CYFIP1: variants seen among roughly 807,000 people sequenced by gnomAD.
CYFIP1 encodes cytoplasmic FMR1-interacting protein 1.
A neutral mutation model predicts 163.5 loss-of-function variants in CYFIP1; 58 were observed. The observed-to-expected ratio is 0.35, with a 90% CI of 0.29 to 0.44. The LOEUF is 0.44. Among genes scored for constraint, CYFIP1 ranks in the 20% least tolerant of loss-of-function variants. The pLI, the probability that CYFIP1 is intolerant of heterozygous loss-of-function variation, is 1.00. For missense variants in CYFIP1, 1,338 were observed against 1,653.8 expected (o/e 0.81, Z 3.31); for synonymous variants, 663 against 660.7 (o/e 1.00, Z -0.05).
At position 22,870,024 on chromosome 15, in the gene CYFIP1, G is replaced by T. The variant is rs1403437789; in HGVS notation, c.*4C>A. On this transcript the variant is annotated 3_prime_UTR_variant, in exon 31 of 31. Transcript: ENST00000617928. ...TGTTGAGTTACGGAGTGCAGCGCGT[G>T]CCCTCAGCTGCTGGCGAGGGACTGG... The T allele has an allele frequency of 2.5e-6, 4 of 1,596,636 alleles. No individual in the cohort carries two copies. The Admixed American group carries it at 5.5e-5, about 22-fold the overall frequency.
intron 12 of CYFIP1, 140 bp from the exon 13 acceptor site, chr15:22,926,247 C>T: frequency 8.1e-7 from 1 of 1,233,890 alleles, no homozygotes; most frequent in Non-Finnish European, 1.1e-6. Context: ...TGAGGGCGCA[C>T]ACACCGTCCA....
chr15:22,951,581 T>C, intron 1 of CYFIP1: 1 of 1,281,010 alleles, frequency 7.8e-7, no homozygotes, highest in Non-Finnish European at 1.0e-6. Context: ...TTCTGCGGCC[T>C]GAACCCAGAT....
rs1566925088 is a variant in CYFIP1 at position 22,883,020 on chromosome 15, C to T, written c.2677-9G>A. On this transcript the variant is annotated splice_polypyrimidine_tract_variant and intron_variant, in intron 23 of 30. Transcript: ENST00000617928. ...TAGGCCAAGTTCAAAGCCTGGAAAA[C>T]AGGGCACAGAGCTCTCAGCATGGTC... 2 of 1,613,150 alleles carry T rather than the reference C, an allele frequency of 1.2e-6. No individual in the cohort carries two copies. Among genetic ancestry groups the T allele is most frequent in the East Asian group, 2.2e-5 (1 of 44,838 alleles).
intron 21 of CYFIP1, among the ~76,000 whole-genome samples, chr15:22,905,760 T>TA (rs2060554877): frequency 6.6e-6 from 1 of 151,500 alleles, no homozygotes. Flanking sequence ...TTTCTGTTTT[T>TA]TTTTTTGTTT....
chr15:22,917,798 G>C lies in CYFIP1; in HGVS notation c.1664C>G (p.Ser555Cys). ...IKVPRRAVGP[S>C]STQLYMVRTM... ...TCAAGGGACGAGAACCTGAGTGCTGGAGGGTCCCACGGCGCGGCGTGGTAC... is the reference window on the plus strand; with the variant it reads ...TCAAGGGACGAGAACCTGAGTGCTGCAGGGTCCCACGGCGCGGCGTGGTAC... Residue 555 changes from serine to cysteine, a missense_variant, in exon 15 of 31, where the codon TCC (serine) becomes TGC (cysteine). Transcript: ENST00000617928. The surrounding 1 kb of genome is among the most constrained non-coding windows in gnomAD (Gnocchi z 4.2). The C allele has an allele frequency of 6.2e-7, 1 of 1,609,178 alleles. No homozygotes were observed.
intron 18 of CYFIP1, among the ~76,000 whole-genome samples, chr15:22,911,843 T>C (rs1233563996): frequency 6.6e-6 from 1 of 152,146 alleles, no homozygotes; most frequent in Non-Finnish European, 1.5e-5. Context: ...ATAAAAAACA[T>C]GCCAGGGAGT....
At chr15:22,945,017 G>T in intron 3 of CYFIP1, 78 bp from the exon 4 acceptor site, 1 of 1,310,374 alleles carries the variant, frequency 7.6e-7, no homozygotes, top group Non-Finnish European at 1.1e-6. Context: ...CTAAAATCCA[G>T]ACAAAGCGCC....
At chr15:22,954,618 G>C (rs2062380858) in intron 1 of CYFIP1, among the ~76,000 whole-genome samples, 1 of 152,052 alleles carries the variant, frequency 6.6e-6, no homozygotes, top group East Asian at 1.9e-4. Flanking sequence ...CCCACCCTCG[G>C]TTTATGTCAT....
chr15:22,947,076 T>C lies in CYFIP1; in HGVS notation c.134A>G (p.Asn45Ser), dbSNP rs758631949. The C allele has an allele frequency of 6.2e-7, 1 of 1,614,118 alleles. No individual in the cohort carries two copies. The highest frequency in any genetic ancestry group is 2.2e-5 in the East Asian group (1 of 44,878). ...SLLYQPNFNT[N>S]FEDRNAFVTG... ...AACAAATGCATTTCTGTCTTCAAAG[T>C]TAGTGTTGAAATTTGGCTGAAGGAA... is the stretch of plus-strand genomic sequence containing the variant. Residue 45 changes from asparagine (N) to serine (S), a missense_variant, in exon 3 of 31, where the codon AAC becomes AGC. Physicochemically the swap from Asn to Ser is conservative, Grantham distance 46. Transcript: ENST00000617928.
At chr15:22,976,303 G>A (rs2063276884) in intron 1 of CYFIP1, among the ~76,000 whole-genome samples, 2 of 152,126 alleles carry the variant, frequency 1.3e-5, no homozygotes, top group Admixed American at 1.3e-4. Context: ...GACTACAGGC[G>A]CACGCCACCA....
intron 21 of CYFIP1, chr15:22,905,311 C>A (rs1285903658): frequency 6.6e-6 from 1 of 152,054 alleles, no homozygotes; most frequent in Non-Finnish European, 1.5e-5. Flanking sequence ...TCAATATTTT[C>A]TTGAAATAGA....
At chr15:22,918,407 A>C (rs966718186) in intron 14 of CYFIP1, among the ~76,000 whole-genome samples, 3 of 152,042 alleles carry the variant, frequency 2.0e-5, no homozygotes, top group African/African-American at 7.2e-5. Context: ...AGACCCCCAT[A>C]AGGCACCATG....
chr15:22,939,326 A>C lies in CYFIP1; in HGVS notation c.667-6T>G. 6.2e-7 allele frequency: 1 copy of C among 1,614,132 alleles called. No homozygotes were observed. Among genetic ancestry groups the C allele is most frequent in the Non-Finnish European group, 8.5e-7 (1 of 1,180,012 alleles). On this transcript the variant is annotated splice_polypyrimidine_tract_variant and splice_region_variant and intron_variant, in intron 7 of 30. Transcript: ENST00000617928. ...TCGAGCTGCTGCTGCAGAGACTGAAACACAGAGCAAGAGACTCATGCATGG... is the reference window on the plus strand; with the variant it reads ...TCGAGCTGCTGCTGCAGAGACTGAACCACAGAGCAAGAGACTCATGCATGG...
intron 13 of CYFIP1, among the ~76,000 whole-genome samples, chr15:22,922,915 C>G (rs2061234321): frequency 6.6e-6 from 1 of 151,898 alleles, no homozygotes; most frequent in Non-Finnish European, 1.5e-5. Context: ...TTGCTTGAAC[C>G]TGGGAGGCAG....
At chr15:22,949,727 C>T (rs1034995249) in intron 1 of CYFIP1, among the ~76,000 whole-genome samples, 1 of 151,704 alleles carries the variant, frequency 6.6e-6, no homozygotes, top group African/African-American at 2.4e-5. Flanking sequence ...GGAGGGGAAA[C>T]CTGGATGGGG....
At chr15:22,965,764 C>A (rs2062881065) in intron 1 of CYFIP1, among the ~76,000 whole-genome samples, 1 of 152,160 alleles carries the variant, frequency 6.6e-6, no homozygotes, top group Non-Finnish European at 1.5e-5. Context: ...ACACCAGGCC[C>A]CAGCCCCTTC....
rs755890610 is a variant in CYFIP1, at chr15:22,910,554, C to T, written c.2234G>A (p.Arg745His). The T allele has an allele frequency of 4.9e-5, 79 of 1,614,016 alleles. No individual in the cohort carries two copies. The highest frequency in any genetic ancestry group is 6.2e-5 in the Non-Finnish European group (73 of 1,179,984). ...CCTCTGCTTCAGCAGCGTCTCGTAG[C>T]GGTTAGACGGCGGGAGGTGGATCGT... Reference protein sequence around the residue: ...GATIHLPPSNRYETLLKQRHV... With the variant: ...GATIHLPPSNHYETLLKQRHV... Residue 745 changes from arginine to histidine, a missense_variant, in exon 20 of 31, where the codon CGC (arginine) becomes CAC (histidine). Coordinates refer to ENST00000617928, the MANE Select transcript of CYFIP1 (RefSeq NM_014608.6).
In CYFIP1 at chr15:22,903,923, G is replaced by T. The variant is rs1314876979; in HGVS notation, c.2389-18C>A. 2 of 1,612,042 alleles carry T rather than the reference G, an allele frequency of 1.2e-6. No individual in the cohort carries two copies. The highest frequency in any genetic ancestry group is 1.3e-5 in the African/African-American group (1 of 74,870). ...TCCAGCTCCTGTGGCACCAAAGACA[G>T]GGGTGGGTGACAGAGCTGGTCCAGG... On this transcript the variant is annotated intron_variant, in intron 21 of 30. Transcript: ENST00000617928.
rs1233469168 is a variant in CYFIP1, at chr15:22,910,574, G to A, written c.2214C>T (p.Ile738=). ...CGTAGCGGTTAGACGGCGGGAGGTGGATCGTGGCTCCCTGATTCTTGCATT... is the reference window on the plus strand; with the variant it reads ...CGTAGCGGTTAGACGGCGGGAGGTGAATCGTGGCTCCCTGATTCTTGCATT... ...RSECKNQGAT[I]HLPPSNRYET... Residue 738 remains isoleucine (I), a synonymous_variant, in exon 20 of 31, where the codon ATC becomes ATT. Coordinates refer to ENST00000617928, the MANE Select transcript of CYFIP1 (RefSeq NM_014608.6). 1 of 1,614,192 alleles carries A rather than the reference G, an allele frequency of 6.2e-7. No individual in the cohort carries two copies. Among genetic ancestry groups the A allele is most frequent in the Non-Finnish European group, 8.5e-7 (1 of 1,180,020 alleles).
Sources: gnomAD v4.1 joint callset for allele counts (sites outside exome capture counted in the v4.1 genomes callset) on GRCh38, gnomAD v4.1.1 for gene constraint, Gnocchi (gnomAD v3.1) non-coding constraint, MANE v1.5 for transcripts, NCBI Gene and HGNC (gene_info 2026-07-23, HGNC 2026-07-21) for gene names.